SLX4IP: variants seen among roughly 807,000 people sequenced by gnomAD.
SLX4IP encodes the protein protein SLX4IP.
A neutral mutation model predicts 32.9 loss-of-function variants in SLX4IP; 34 were observed. That is an observed-to-expected ratio of 1.03 (90% CI 0.79 to 1.38). The LOEUF is 1.38. Ranked by LOEUF, SLX4IP falls within the 40% of genes most tolerant of loss-of-function variation. The pLI is 0.00. For missense variants in SLX4IP, 444 were observed against 479.0 expected (o/e 0.93, Z 0.68); for synonymous variants, 172 against 171.7 (o/e 1.00, Z -0.01).
intron 1 of SLX4IP, among the ~76,000 whole-genome samples, chr20:10,445,104 C>A (rs1459402344): frequency 6.6e-6 from 1 of 151,960 alleles, no homozygotes; most frequent in Non-Finnish European, 1.5e-5. Context: ...GGGACATGCC[C>A]CTCAGCTCCC....
chr20:10,436,886 C>T (rs1034638332), intron 1 of SLX4IP, among the ~76,000 whole-genome samples: 40 of 151,418 alleles, frequency 2.6e-4, no homozygotes, highest in African/African-American at 9.0e-4. Flanking sequence ...AGGGTTTTCT[C>T]TGTAAGTCTT....
chr20:10,490,406 T>A (rs2065612963), intron 2 of SLX4IP, among the ~76,000 whole-genome samples: 1 of 152,142 alleles, frequency 6.6e-6, no homozygotes, highest in Non-Finnish European at 1.5e-5. Flanking sequence ...GGTCCGTGTG[T>A]CTTCCTGTAA....
At chr20:10,608,780 G>A (rs987122772) in intron 6 of SLX4IP, among the ~76,000 whole-genome samples, 1 of 151,194 alleles carries the variant, frequency 6.6e-6, no homozygotes, top group African/African-American at 2.4e-5. Context: ...TCATTTAAAT[G>A]CAATTAACGC....
intron 4 of SLX4IP, among the ~76,000 whole-genome samples, chr20:10,597,560 T>A (rs1482426601): frequency 6.6e-6 from 1 of 152,222 alleles, no homozygotes; most frequent in Admixed American, 6.5e-5. Context: ...CATGTAACAT[T>A]ATGTTTGTGA....
intron 4 of SLX4IP, among the ~76,000 whole-genome samples, chr20:10,574,953 G>A (rs541731195): frequency 2.0e-4 from 30 of 152,050 alleles, no homozygotes; most frequent in Non-Finnish European, 2.6e-4. Flanking sequence ...GATTACAGAC[G>A]TGAGCCACCG....
intron 4 of SLX4IP, among the ~76,000 whole-genome samples, chr20:10,580,499 C>CCTT (rs2066572208): frequency 1.5e-5 from 2 of 134,860 alleles, no homozygotes; most frequent in South Asian, 4.8e-4. Flanking sequence ...TAGACTTACC[C>CCTT]TTTTTTTTTT....
chr20:10,558,357 A>G (rs1017550501), intron 3 of SLX4IP, among the ~76,000 whole-genome samples: 1 of 150,656 alleles, frequency 6.6e-6, no homozygotes, highest in Non-Finnish European at 1.5e-5. Context: ...AAAAAAAAAA[A>G]AAAAACAATT....
At chr20:10,495,050 AT>A (rs2065655147) in intron 2 of SLX4IP, among the ~76,000 whole-genome samples, 1 of 152,176 alleles carries the variant, frequency 6.6e-6, no homozygotes, top group African/African-American at 2.4e-5. Flanking sequence ...ATCATTCCAC[AT>A]TTTTCCCATT....
At chr20:10,477,346 A>T (rs2065484178) in intron 2 of SLX4IP, among the ~76,000 whole-genome samples, 1 of 152,106 alleles carries the variant, frequency 6.6e-6, no homozygotes, top group African/African-American at 2.4e-5. Flanking sequence ...GGATTTCACC[A>T]TGTTGGTCAG....
chr20:10,600,417 G>A (rs1177202731), intron 5 of SLX4IP, among the ~76,000 whole-genome samples: 1 of 152,148 alleles, frequency 6.6e-6, no homozygotes, highest in Non-Finnish European at 1.5e-5. Context: ...GATGAGTGGA[G>A]CTCTTTTTTT....
intron 4 of SLX4IP, among the ~76,000 whole-genome samples, chr20:10,571,929 A>T (rs528027086): frequency 6.6e-6 from 1 of 152,172 alleles, no homozygotes; most frequent in Non-Finnish European, 1.5e-5. Context: ...CCAGTGTAAG[A>T]TTAGGCTGCA....
At chr20:10,451,546 T>C (rs1251223351) in intron 1 of SLX4IP, among the ~76,000 whole-genome samples, 1 of 152,198 alleles carries the variant, frequency 6.6e-6, no homozygotes, top group Non-Finnish European at 1.5e-5. Flanking sequence ...ACCTGACACA[T>C]GACCAGTCCA....
intron 1 of SLX4IP, among the ~76,000 whole-genome samples, chr20:10,445,929 ATTGCTTTT>A (rs1400394184): frequency 6.5e-5 from 6 of 92,392 alleles, no homozygotes; most frequent in Non-Finnish European, 8.9e-5. Context: ...CCTGGCTGAG[ATTGCTTTT>A]TTTTTTTTTT....
intron 2 of SLX4IP, 91 bp from the exon 3 acceptor site, chr20:10,556,140 G>A (rs2066264355): frequency 2.5e-6 from 3 of 1,192,514 alleles, no homozygotes; most frequent in South Asian, 2.8e-5. Context: ...ATTTCATCAT[G>A]AGCAACCACA....
intron 4 of SLX4IP, among the ~76,000 whole-genome samples, chr20:10,592,716 C>G (rs947859064): frequency 1.5e-4 from 21 of 143,010 alleles, no homozygotes; most frequent in South Asian, 9.3e-4. Context: ...CTCACTGCAA[C>G]CTCTGCCTCC....
intron 1 of SLX4IP, among the ~76,000 whole-genome samples, chr20:10,439,659 G>A (rs1223992234): frequency 6.6e-6 from 1 of 152,180 alleles, no homozygotes; most frequent in African/African-American, 2.4e-5. Flanking sequence ...AATGAAACAT[G>A]GCTTTTTAAA....
intron 2 of SLX4IP, among the ~76,000 whole-genome samples, chr20:10,528,008 T>A (rs1231852663): frequency 6.6e-6 from 1 of 152,152 alleles, no homozygotes; most frequent in Non-Finnish European, 1.5e-5. Context: ...ACAAATGTCA[T>A]CCTCTGTCTT....
chr20:10,529,729 C>T (rs1002749468), intron 2 of SLX4IP, among the ~76,000 whole-genome samples: 2 of 151,874 alleles, frequency 1.3e-5, no homozygotes, highest in African/African-American at 4.8e-5. Context: ...CAAGGACCCT[C>T]TCCCATAATT....
intron 1 of SLX4IP, among the ~76,000 whole-genome samples, chr20:10,440,079 G>A (rs1186834342): frequency 6.6e-6 from 1 of 151,978 alleles, no homozygotes; most frequent in East Asian, 1.9e-4. Flanking sequence ...ACAATATCGT[G>A]GACATAGAAA....
Sources: allele counts gnomAD v4.1 joint callset (sites outside exome capture counted in the v4.1 genomes callset), GRCh38; gene constraint gnomAD v4.1.1; transcripts MANE v1.5; gene names NCBI Gene and HGNC (gene_info 2026-07-23, HGNC 2026-07-21).